The following PLCB1 variants were observed in gnomAD, a reference collection of about 807,000 sequenced individuals.
The protein encoded by PLCB1 is 1-phosphatidylinositol 4,5-bisphosphate phosphodiesterase beta-1.
A neutral mutation model predicts 161.8 loss-of-function variants in PLCB1; 46 were observed. The observed-to-expected ratio is 0.28, with a 90% CI of 0.22 to 0.36. PLCB1 has a LOEUF of 0.36. Ranked by LOEUF, PLCB1 falls within the 10% of genes least tolerant of loss-of-function variation. PLCB1 has a pLI of 1.00. For missense variants in PLCB1, 1,016 were observed against 1,472.5 expected, an observed-to-expected ratio of 0.69 and a Z score of 5.07; for synonymous variants, 517 against 503.7, an observed-to-expected ratio of 1.03 and a Z score of -0.35.
chr20:8,646,424 A>G (rs73076193), intron 5 of PLCB1, among the ~76,000 whole-genome samples: 25 of 152,332 alleles, frequency 1.6e-4, no homozygotes, highest in Non-Finnish European at 3.5e-4. Context: ...CATGAATGTC[A>G]GTGCTTTTGA....
chr20:8,260,046 G>T (rs1365132365), intron 2 of PLCB1, among the ~76,000 whole-genome samples: 1 of 151,856 alleles, frequency 6.6e-6, no homozygotes, highest in Non-Finnish European at 1.5e-5. Context: ...AGTGGCCAAG[G>T]AATAAAGACT....
chr20:8,330,040 C>T (rs1240392715), intron 2 of PLCB1, among the ~76,000 whole-genome samples: 1 of 152,152 alleles, frequency 6.6e-6, no homozygotes, highest in Non-Finnish European at 1.5e-5. Flanking sequence ...AAGAATAATT[C>T]TTTCCTCGGG....
intron 2 of PLCB1, among the ~76,000 whole-genome samples, chr20:8,336,193 C>G (rs6055751): frequency 0.02 from 3,115 of 152,282 alleles, 38 homozygotes; most frequent in African/African-American, 0.039. Context: ...ATGCAAACAA[C>G]ACATTTAAAA....
intron 3 of PLCB1, among the ~76,000 whole-genome samples, chr20:8,592,593 T>G (rs1600175813): frequency 1.3e-5 from 2 of 152,140 alleles, no homozygotes; most frequent in East Asian, 3.9e-4. Context: ...TGAGAGGGTC[T>G]TTTTTTCCCC....
At chr20:8,771,371 G>A (rs980719049) in intron 26 of PLCB1, among the ~76,000 whole-genome samples, 13 of 152,094 alleles carry the variant, frequency 8.5e-5, no homozygotes, top group African/African-American at 3.1e-4. Context: ...AATCACATAT[G>A]TGGTTCTCAT....
At chr20:8,312,599 C>A (rs1431760018) in intron 2 of PLCB1, among the ~76,000 whole-genome samples, 1 of 152,094 alleles carries the variant, frequency 6.6e-6, no homozygotes, top group Non-Finnish European at 1.5e-5. Context: ...TTACATGAGG[C>A]AGAACCAAGA....
At chr20:8,880,308 G>A (rs1987927274) in intron 31 of PLCB1, among the ~76,000 whole-genome samples, 1 of 152,042 alleles carries the variant, frequency 6.6e-6, no homozygotes, top group Non-Finnish European at 1.5e-5. Flanking sequence ...AACTCTCCCT[G>A]TTGCCCCCGT....
chr20:8,245,280 C>A (rs776408663), intron 2 of PLCB1, among the ~76,000 whole-genome samples: 6 of 151,866 alleles, frequency 4.0e-5, no homozygotes, highest in Non-Finnish European at 8.8e-5. Context: ...ATAAGGCATA[C>A]TTATCACATA....
chr20:8,288,917 A>G (rs554223809), intron 2 of PLCB1, among the ~76,000 whole-genome samples: 1 of 152,212 alleles, frequency 6.6e-6, no homozygotes, highest in Non-Finnish European at 1.5e-5. Context: ...TCCACTAGAT[A>G]CCATAAGCTC....
At chr20:8,681,057 T>C (rs1308112900) in intron 9 of PLCB1, among the ~76,000 whole-genome samples, 3 of 135,022 alleles carry the variant, frequency 2.2e-5, no homozygotes, top group African/African-American at 8.2e-5. Flanking sequence ...TATATACTTA[T>C]ATGTATATAT....
chr20:8,165,593 G>T (rs112427502), intron 2 of PLCB1, among the ~76,000 whole-genome samples: 1 of 152,028 alleles, frequency 6.6e-6, no homozygotes, highest in Admixed American at 6.6e-5. Flanking sequence ...CCTTGAATTC[G>T]GGGACTTTAC....
chr20:8,221,515 A>G (rs912321405), intron 2 of PLCB1, among the ~76,000 whole-genome samples: 1 of 152,168 alleles, frequency 6.6e-6, no homozygotes, highest in Non-Finnish European at 1.5e-5. Context: ...AATAAAGGCA[A>G]GGTTTTAAAT....
Position 8,658,520 on chromosome 20 carries a change from G to T in PLCB1, c.696-18G>T, listed in dbSNP as rs371748595. The T allele has an allele frequency of 4.2e-5, 66 of 1,558,422 alleles. No homozygotes were observed. In the African/African-American group the frequency reaches 8.5e-4, roughly 20 times the overall value. ...TAGTTTAAAAAATTCTTATTGCTTG[G>T]TTTTTCATTGTTTTTAGTGGTGCAA... On this transcript the variant is annotated intron_variant, in intron 8 of 31. Transcript: ENST00000338037.
chr20:8,845,400 T>C (rs941653715), intron 31 of PLCB1, among the ~76,000 whole-genome samples: 4 of 152,250 alleles, frequency 2.6e-5, no homozygotes, highest in Non-Finnish European at 5.9e-5. Context: ...TCTTTCTGTA[T>C]TTTCTTGCCT....
In PLCB1 at chr20:8,663,500, G is replaced by C. The variant is rs553450325; in HGVS notation, c.862+4796G>C. 4.6e-5 allele frequency among the ~76,000 whole-genome samples: 7 copies of C among 152,190 alleles called. No homozygotes were observed. In the East Asian group the frequency reaches 7.7e-4, roughly 17 times the overall value. ...AAGTATGAAATGAAACTCCAGAAGAGACAATAGACTTTGATCTTCTGAGGA... is the reference window on the plus strand; with the variant it reads ...AAGTATGAAATGAAACTCCAGAAGACACAATAGACTTTGATCTTCTGAGGA... On this transcript the variant is annotated intron_variant, in intron 9 of 31. Coordinates refer to ENST00000338037, the MANE Select transcript of PLCB1 (RefSeq NM_015192.4).
At chr20:8,731,651 C>T (rs533448110) in intron 18 of PLCB1, among the ~76,000 whole-genome samples, 1 of 152,062 alleles carries the variant, frequency 6.6e-6, no homozygotes, top group South Asian at 2.1e-4. Context: ...ATTTTTCAGA[C>T]ATAAATGTGA....
At chr20:8,378,143 G>A (rs1266017892) in intron 3 of PLCB1, among the ~76,000 whole-genome samples, 2 of 152,256 alleles carry the variant, frequency 1.3e-5, no homozygotes, top group South Asian at 2.1e-4. Context: ...ACAAAATGTC[G>A]CATACACTTA....
chr20:8,802,454 C>A, intron 31 of PLCB1: 1 of 362,560 alleles, frequency 2.8e-6, no homozygotes, highest in South Asian at 8.1e-5. Flanking sequence ...TCTCTATTGG[C>A]AAATTTGGCT....
At chr20:8,262,005 A>G (rs1981722487) in intron 2 of PLCB1, among the ~76,000 whole-genome samples, 6 of 152,050 alleles carry the variant, frequency 3.9e-5, no homozygotes, top group Admixed American at 3.9e-4. Context: ...TTTCTTCTTG[A>G]TGGCAGCTGG....
Sources: allele counts gnomAD v4.1 joint callset (sites outside exome capture counted in the v4.1 genomes callset), GRCh38; gene constraint gnomAD v4.1.1; transcripts MANE v1.5; gene names NCBI Gene and HGNC (gene_info 2026-07-23, HGNC 2026-07-21).